The following RALGPS1 variants were observed in gnomAD, a reference collection of about 807,000 sequenced individuals.
RALGPS1 encodes ras-specific guanine nucleotide-releasing factor RalGPS1.
A neutral mutation model predicts 78.8 loss-of-function variants in RALGPS1; 19 were observed. The observed-to-expected ratio is 0.24, with a 90% CI of 0.17 to 0.35. The LOEUF (loss-of-function observed/expected upper bound fraction) is 0.35, where lower values mean the gene tolerates loss of function less well. Among genes scored for constraint, RALGPS1 ranks in the 10% least tolerant of loss-of-function variants. The probability of loss-of-function intolerance (pLI) is 1.00; values close to 1 mark genes in which losing one functional copy is unlikely to be tolerated. For missense variants in RALGPS1, 454 were observed against 688.3 expected, an observed-to-expected ratio of 0.66 and a Z score of 3.81; for synonymous variants, 228 against 256.3, an observed-to-expected ratio of 0.89 and a Z score of 1.06.
At chr9:127,106,645 A>G (rs1377738041) in intron 8 of RALGPS1, among the ~76,000 whole-genome samples, 2 of 152,152 alleles carry the variant, frequency 1.3e-5, no homozygotes, top group South Asian at 2.1e-4. Context: ...CCTGCTCTCA[A>G]TCCTGCACCC....
chr9:126,962,289 T>C lies in RALGPS1; in HGVS notation c.-1T>C. 2 of 1,614,088 alleles carry C rather than the reference T, an allele frequency of 1.2e-6. No individual in the cohort carries two copies. Among genetic ancestry groups the C allele is most frequent in the Non-Finnish European group, 1.7e-6 (2 of 1,179,986 alleles). Reference sequence around the variant, plus strand: ...CTGAAGCTCCCTGTGGCCTGGAGACTATGTACAAGAGGAATGGTCTGATGG... The same window carrying C: ...CTGAAGCTCCCTGTGGCCTGGAGACCATGTACAAGAGGAATGGTCTGATGG... On this transcript the variant is annotated 5_prime_UTR_variant, in exon 2 of 19. Coordinates refer to ENST00000259351, the MANE Select transcript of RALGPS1 (RefSeq NM_014636.3).
At chr9:127,213,590 C>G (rs1388961835) in intron 17 of RALGPS1, among the ~76,000 whole-genome samples, 1 of 152,196 alleles carries the variant, frequency 6.6e-6, no homozygotes, top group Non-Finnish European at 1.5e-5. Context: ...GTCCAGTAGC[C>G]CTGTCTTCAC....
intron 1 of RALGPS1, chr9:126,915,498 G>C (rs1480553955): frequency 6.6e-6 from 1 of 152,158 alleles, no homozygotes; most frequent in Non-Finnish European, 1.5e-5. Flanking sequence ...GCGAGGGTGA[G>C]TGGTCGCCCG....
intron 10 of RALGPS1, among the ~76,000 whole-genome samples, chr9:127,172,451 T>C (rs781046968): frequency 6.6e-6 from 1 of 152,212 alleles, no homozygotes; most frequent in Non-Finnish European, 1.5e-5. Flanking sequence ...GACCATGGTG[T>C]CGTCATCTTT....
At position 126,983,802 on chromosome 9, in the gene RALGPS1, C is replaced by T. The variant is rs114341902; in HGVS notation, c.216+6057C>T. On this transcript the variant is annotated intron_variant, in intron 4 of 18. Coordinates refer to ENST00000259351, the MANE Select transcript of RALGPS1 (RefSeq NM_014636.3). ...TTGGTGGTTTAACTTGTTCACTTGT[C>T]GCCTATTTTGTTTCAACTAGAAGTT... Among the ~76,000 whole-genome samples the T allele has an allele frequency of 6.2e-3, 939 of 152,014 alleles. 7 individuals are homozygous for T. The highest frequency in any genetic ancestry group is 0.021 in the African/African-American group (888 of 41,476).
At chr9:127,021,125 T>G (rs983031003) in intron 4 of RALGPS1, among the ~76,000 whole-genome samples, 7 of 152,214 alleles carry the variant, frequency 4.6e-5, no homozygotes, top group Non-Finnish European at 1.0e-4. Flanking sequence ...CAGGCCCATC[T>G]GCCTATAGTT....
chr9:127,044,418 G>A (rs1589177244), intron 5 of RALGPS1, among the ~76,000 whole-genome samples: 1 of 151,952 alleles, frequency 6.6e-6, no homozygotes, highest in African/African-American at 2.4e-5. Flanking sequence ...CACCATACCT[G>A]GCTAATTTTG....
At chr9:126,944,675 G>A (rs567909) in intron 1 of RALGPS1, among the ~76,000 whole-genome samples, 107,437 of 151,900 alleles carry the variant, frequency 0.71, 38,335 homozygotes, top group East Asian at 0.81. Context: ...TTTATAGAAA[G>A]GCTGCAAAAC....
intron 7 of RALGPS1, among the ~76,000 whole-genome samples, chr9:127,068,572 A>C (rs974461044): frequency 2.6e-5 from 4 of 152,178 alleles, no homozygotes; most frequent in African/African-American, 9.7e-5. Flanking sequence ...GACAATGACA[A>C]GATTGAAGCT....
At chr9:126,915,973 A>G (rs538478112) in intron 1 of RALGPS1, among the ~76,000 whole-genome samples, 1 of 152,216 alleles carries the variant, frequency 6.6e-6, no homozygotes, top group Admixed American at 6.5e-5. Flanking sequence ...GAGAATTCAG[A>G]AGCTTTTGAC....
chr9:127,022,267 A>T (rs2045529430), intron 4 of RALGPS1, among the ~76,000 whole-genome samples: 1 of 151,940 alleles, frequency 6.6e-6, no homozygotes, highest in South Asian at 2.1e-4. Context: ...CCCTTTCTCC[A>T]CACACACAGC....
At chr9:127,100,457 C>T (rs982361169) in intron 8 of RALGPS1, among the ~76,000 whole-genome samples, 16 of 152,184 alleles carry the variant, frequency 1.1e-4, no homozygotes, top group African/African-American at 2.4e-4. Context: ...TTTCCACCAG[C>T]GCTGTTGGGC....
intron 1 of RALGPS1, among the ~76,000 whole-genome samples, chr9:126,956,798 T>A (rs2038386697): frequency 6.6e-6 from 1 of 152,198 alleles, no homozygotes; most frequent in African/African-American, 2.4e-5. Context: ...TATAAATGAA[T>A]AGAAAATTGT....
chr9:127,107,307 C>T (rs2054311261), intron 8 of RALGPS1, among the ~76,000 whole-genome samples: 1 of 152,196 alleles, frequency 6.6e-6, no homozygotes, highest in Non-Finnish European at 1.5e-5. Flanking sequence ...CATTCCTCCC[C>T]CATAACGGTA....
intron 13 of RALGPS1, among the ~76,000 whole-genome samples, chr9:127,197,723 C>T (rs2061418251): frequency 6.6e-6 from 1 of 152,140 alleles, no homozygotes; most frequent in African/African-American, 2.4e-5. Flanking sequence ...GACGATGTGT[C>T]CGGGGTTACG....
intron 18 of RALGPS1, chr9:127,216,818 C>T (rs2062607933): frequency 8.0e-7 from 1 of 1,253,154 alleles, no homozygotes; most frequent in Non-Finnish European, 1.0e-6. Flanking sequence ...CCATACTGGT[C>T]ACACCATGTG....
chr9:127,214,859 C>T lies in RALGPS1; in HGVS notation c.1644+17C>T. The T allele has an allele frequency of 6.2e-7, 1 of 1,612,950 alleles. No individual in the cohort carries two copies. The highest frequency in any genetic ancestry group is 8.5e-7 in the Non-Finnish European group (1 of 1,179,562). ...AGGCCTCAGGTAAAGTCATCAAAATCCTGCTTGTCACCTGAAATATCCTCT... is the reference window on the plus strand; with the variant it reads ...AGGCCTCAGGTAAAGTCATCAAAATTCTGCTTGTCACCTGAAATATCCTCT... On this transcript the variant is annotated intron_variant, in intron 18 of 18. Coordinates refer to ENST00000259351, the MANE Select transcript of RALGPS1 (RefSeq NM_014636.3).
chr9:126,978,183 T>C (rs952294062), intron 4 of RALGPS1: 1 of 153,984 alleles, frequency 6.5e-6, no homozygotes, highest in African/African-American at 2.4e-5. Context: ...CATATTTACA[T>C]TGAAAGCATA....
intron 1 of RALGPS1, among the ~76,000 whole-genome samples, chr9:126,915,277 GC>G (rs2034003060): frequency 7.0e-6 from 1 of 142,110 alleles, no homozygotes; most frequent in African/African-American, 2.6e-5. Flanking sequence ...GGCGCGGGGG[GC>G]GGGGCCGGGG....
Sources: allele counts gnomAD v4.1 joint callset (sites outside exome capture counted in the v4.1 genomes callset), GRCh38; gene constraint gnomAD v4.1.1; transcripts MANE v1.5; gene names NCBI Gene and HGNC (gene_info 2026-07-23, HGNC 2026-07-21).